The following JPH3 variants were observed in gnomAD, a reference collection of about 807,000 sequenced individuals.
JPH3 encodes the protein junctophilin 3, also known as junctophilin-3.
Under a neutral mutation model 59.6 loss-of-function variants are expected in JPH3, and 11 were observed. That is an observed-to-expected ratio of 0.18 (90% CI 0.12 to 0.31). JPH3 has a LOEUF of 0.31. Ranked by LOEUF, JPH3 falls within the 10% of genes least tolerant of loss-of-function variation. The pLI, the probability that JPH3 is intolerant of heterozygous loss-of-function variation, is 1.00. For missense variants in JPH3, 1,202 were observed against 1,105.7 expected (o/e 1.09, Z -1.24); for synonymous variants, 673 against 483.6 (o/e 1.39, Z -5.14).
At chr16:87,680,996 G>A (rs566714713) in intron 2 of JPH3, among the ~76,000 whole-genome samples, 7 of 152,200 alleles carry the variant, frequency 4.6e-5, no homozygotes, top group African/African-American at 1.7e-4. Context: ...CATTGTGGTC[G>A]AGGTCTGAAC....
At chr16:87,642,722 C>G (rs922470261) in intron 1 of JPH3, among the ~76,000 whole-genome samples, 1 of 152,226 alleles carries the variant, frequency 6.6e-6, no homozygotes, top group Non-Finnish European at 1.5e-5. Flanking sequence ...GGGCGTCGTG[C>G]TGAGGCCCAG....
intron 1 of JPH3, among the ~76,000 whole-genome samples, chr16:87,637,030 A>G (rs113667039): frequency 1.3e-5 from 2 of 152,304 alleles, no homozygotes; most frequent in African/African-American, 4.8e-5. Context: ...CCTGTCGGCC[A>G]CGGGAGTTTG....
intron 4 of JPH3, chr16:87,695,465 C>A (rs768215017): frequency 1.8e-5 from 8 of 455,708 alleles, no homozygotes; most frequent in Non-Finnish European, 3.5e-5. Flanking sequence ...TCCGGGGGCT[C>A]TGAACAGCTC....
chr16:87,680,285 A>C (rs2033253923), intron 2 of JPH3, among the ~76,000 whole-genome samples: 2 of 152,228 alleles, frequency 1.3e-5, no homozygotes, highest in African/African-American at 2.4e-5. Flanking sequence ...CTGGAGCTGA[A>C]GGTCCGAGTG....
intron 3 of JPH3, among the ~76,000 whole-genome samples, chr16:87,688,797 G>A (rs999107562): frequency 2.0e-5 from 3 of 152,216 alleles, no homozygotes; most frequent in Non-Finnish European, 4.4e-5. Flanking sequence ...GAAGCGCCGC[G>A]TTCTTGGGTT....
chr16:87,630,089 T>G (rs1356490201), intron 1 of JPH3, among the ~76,000 whole-genome samples: 5 of 152,182 alleles, frequency 3.3e-5, no homozygotes, highest in African/African-American at 1.2e-4. Flanking sequence ...AGTTGGGGCG[T>G]GGCTGCTCCA....
At chr16:87,643,803 A>C (rs1376204914) in intron 1 of JPH3, among the ~76,000 whole-genome samples, 1 of 152,234 alleles carries the variant, frequency 6.6e-6, no homozygotes, top group East Asian at 1.9e-4. Context: ...GTAGGAAGGT[A>C]CCATGGTCTG....
At chr16:87,664,157 T>C (rs992968618) in intron 2 of JPH3, among the ~76,000 whole-genome samples, 23 of 151,356 alleles carry the variant, frequency 1.5e-4, no homozygotes, top group Non-Finnish European at 2.9e-4. Flanking sequence ...CGGTGAAACC[T>C]CGTCTCTACT....
In JPH3 at chr16:87,690,542, C is replaced by G. The variant is rs1483150130; in HGVS notation, c.2166+16C>G. On this transcript the variant is annotated intron_variant, in intron 4 of 4. Transcript: ENST00000284262. ...GTCCAGTACGGTGAGTGGGCGGCCACCAGGCTGGTCCCAGTGGAGGCAACA... is the reference window on the plus strand; with the variant it reads ...GTCCAGTACGGTGAGTGGGCGGCCAGCAGGCTGGTCCCAGTGGAGGCAACA... 33 of 1,454,466 alleles carry G rather than the reference C, an allele frequency of 2.3e-5. No individual in the cohort carries two copies. The highest frequency in any genetic ancestry group is 2.8e-5 in the Non-Finnish European group (31 of 1,103,802). The allele number at this position is 1,454,466 out of a possible 1,614,324, so 90.1% of individuals were successfully genotyped here.
intron 2 of JPH3, among the ~76,000 whole-genome samples, chr16:87,661,876 C>T (rs1184684184): frequency 3.3e-5 from 5 of 152,204 alleles, no homozygotes; most frequent in African/African-American, 1.2e-4. Flanking sequence ...CAGCAGGAAG[C>T]CTGGGGTATT....
At chr16:87,625,447 A>T (rs1303070076) in intron 1 of JPH3, among the ~76,000 whole-genome samples, 1 of 152,134 alleles carries the variant, frequency 6.6e-6, no homozygotes, top group Non-Finnish European at 1.5e-5. Context: ...CACCCACCTG[A>T]GAGGTCTGAA....
intron 2 of JPH3, among the ~76,000 whole-genome samples, chr16:87,675,684 G>C (rs1381728405): frequency 1.3e-5 from 2 of 152,210 alleles, no homozygotes; most frequent in Non-Finnish European, 1.5e-5. Context: ...CAGAGTTTCT[G>C]TTAACTCAAA....
intron 1 of JPH3, among the ~76,000 whole-genome samples, chr16:87,612,170 G>A (rs1047395792): frequency 1.7e-4 from 26 of 152,066 alleles, no homozygotes; most frequent in Non-Finnish European, 3.4e-4. Flanking sequence ...CTGTCGTCCT[G>A]GCGTGCAATA....
At chr16:87,607,121 A>G (rs2030550341) in intron 1 of JPH3, among the ~76,000 whole-genome samples, 1 of 152,208 alleles carries the variant, frequency 6.6e-6, no homozygotes, top group African/African-American at 2.4e-5. Flanking sequence ...TTGTGCGTAC[A>G]GTGGCCCAGA....
intron 2 of JPH3, among the ~76,000 whole-genome samples, chr16:87,661,200 C>T (rs769781177): frequency 1.3e-4 from 20 of 152,302 alleles, no homozygotes; most frequent in African/African-American, 4.6e-4. Flanking sequence ...CTCTCCTCTC[C>T]GACCTCCTGC....
At chr16:87,635,001 C>T (rs1260169156) in intron 1 of JPH3, among the ~76,000 whole-genome samples, 2 of 152,214 alleles carry the variant, frequency 1.3e-5, no homozygotes, top group Non-Finnish European at 2.9e-5. Context: ...TGACCTCCGC[C>T]TGCATGGAGC....
chr16:87,632,485 C>T (rs2031595187), intron 1 of JPH3, among the ~76,000 whole-genome samples: 1 of 152,216 alleles, frequency 6.6e-6, no homozygotes, highest in African/African-American at 2.4e-5. Context: ...CTTGCTCTGC[C>T]ACCCAGGCTG....
chr16:87,629,668 G>A (rs1184841242), intron 1 of JPH3, among the ~76,000 whole-genome samples: 1 of 151,266 alleles, frequency 6.6e-6, no homozygotes, highest in East Asian at 1.9e-4. Context: ...CAAGATCATT[G>A]GTTGCCCAGG....
chr16:87,652,007 C>G (rs1013285690), intron 2 of JPH3, among the ~76,000 whole-genome samples: 1 of 152,014 alleles, frequency 6.6e-6, no homozygotes, highest in African/African-American at 2.4e-5. Flanking sequence ...TGGAGTCTCG[C>G]TCTGTTGCCC....
Sources: gnomAD v4.1 joint callset for allele counts (sites outside exome capture counted in the v4.1 genomes callset) on GRCh38, gnomAD v4.1.1 for gene constraint, MANE v1.5 for transcripts, NCBI Gene and HGNC (gene_info 2026-07-23, HGNC 2026-07-21) for gene names.